CEP112: variants seen among roughly 807,000 people sequenced by gnomAD.
CEP112 encodes the protein centrosomal protein of 112 kDa.
CEP112 carries 127 observed loss-of-function variants against 153.0 expected under a neutral mutation model. The ratio of observed to expected loss-of-function variants is 0.83; its 90% CI spans 0.72 to 0.96. The LOEUF is 0.96. Ranked by LOEUF, CEP112 falls within the 40% of genes least tolerant of loss-of-function variation. The pLI is 0.00. For missense variants in CEP112, 1,089 were observed against 1,101.2 expected, an observed-to-expected ratio of 0.99 and a Z score of 0.16; for synonymous variants, 358 against 374.4, an observed-to-expected ratio of 0.96 and a Z score of 0.51.
intron 20 of CEP112, among the ~76,000 whole-genome samples, chr17:65,884,524 G>A (rs192017159): frequency 1.2e-3 from 187 of 152,142 alleles, no homozygotes; most frequent in Non-Finnish European, 1.9e-3. Context: ...CTATACAAAA[G>A]TGTCTTATTT....
intron 19 of CEP112, among the ~76,000 whole-genome samples, chr17:65,912,247 C>T (rs1402864622): frequency 6.6e-6 from 1 of 152,152 alleles, no homozygotes; most frequent in Non-Finnish European, 1.5e-5. Flanking sequence ...GGTAAGACAC[C>T]TGAAGGGCCT....
chr17:65,910,249 T>C (rs2060235909), intron 19 of CEP112, among the ~76,000 whole-genome samples: 2 of 152,198 alleles, frequency 1.3e-5, no homozygotes, highest in Admixed American at 1.3e-4. Context: ...ATGAAATACC[T>C]GTGCCTTCAT....
At chr17:65,686,938 C>A (rs577556169) in intron 24 of CEP112, among the ~76,000 whole-genome samples, 1 of 151,772 alleles carries the variant, frequency 6.6e-6, no homozygotes, top group South Asian at 2.1e-4. Context: ...TTCAGATAAA[C>A]CTGGATCTGA....
At chr17:65,916,162 T>G (rs35057845) in intron 19 of CEP112, among the ~76,000 whole-genome samples, 1 of 151,868 alleles carries the variant, frequency 6.6e-6, no homozygotes, top group African/African-American at 2.4e-5. Context: ...AAAGTAGCCC[T>G]TTCACTCACA....
At chr17:65,938,125 C>G (rs12938632) in intron 18 of CEP112, among the ~76,000 whole-genome samples, 18,549 of 83,628 alleles carry the variant, frequency 0.22, 3,196 homozygotes, top group East Asian at 0.78. Context: ...TACCCCCAAC[C>G]CTGTGCTCTC....
chr17:65,740,029 C>A (rs1358896560), intron 23 of CEP112, among the ~76,000 whole-genome samples: 1 of 152,038 alleles, frequency 6.6e-6, no homozygotes, highest in Non-Finnish European at 1.5e-5. Flanking sequence ...TCAGAGATAT[C>A]CATTAGTAAA....
At chr17:65,969,840 CTA>C (rs1169336671) in intron 17 of CEP112, among the ~76,000 whole-genome samples, 1 of 146,680 alleles carries the variant, frequency 6.8e-6, no homozygotes, top group Non-Finnish European at 1.5e-5. Context: ...AGCATATCAT[CTA>C]TATATAGCAT....
At chr17:66,079,814 T>C (rs535664313) in intron 8 of CEP112, among the ~76,000 whole-genome samples, 1 of 152,168 alleles carries the variant, frequency 6.6e-6, no homozygotes, top group South Asian at 2.1e-4. Flanking sequence ...AACAGGTATA[T>C]AGATCAACGG....
chr17:65,653,711 G>T (rs2045906034), intron 24 of CEP112, among the ~76,000 whole-genome samples: 1 of 152,110 alleles, frequency 6.6e-6, no homozygotes, highest in Admixed American at 6.5e-5. Flanking sequence ...GGGCCTTTAT[G>T]CAGCCAAACG....
intron 8 of CEP112, among the ~76,000 whole-genome samples, chr17:66,088,716 T>C (rs2068031083): frequency 6.6e-6 from 1 of 152,122 alleles, no homozygotes; most frequent in Non-Finnish European, 1.5e-5. Flanking sequence ...GGTCTAGACC[T>C]GACTAACAGA....
intron 17 of CEP112, among the ~76,000 whole-genome samples, chr17:65,997,584 T>A (rs914119006): frequency 6.6e-6 from 1 of 152,144 alleles, no homozygotes; most frequent in Non-Finnish European, 1.5e-5. Context: ...ATAAATACAA[T>A]TTTTAAAACC....
At chr17:65,915,584 G>C (rs1034891729) in intron 19 of CEP112, among the ~76,000 whole-genome samples, 1 of 152,004 alleles carries the variant, frequency 6.6e-6, no homozygotes, top group African/African-American at 2.4e-5. Context: ...AGGAGTTCGA[G>C]ACCAGCCTGG....
At chr17:66,184,445 T>G (rs1445637485) in intron 1 of CEP112, among the ~76,000 whole-genome samples, 1 of 152,042 alleles carries the variant, frequency 6.6e-6, no homozygotes, top group African/African-American at 2.4e-5. Flanking sequence ...GAAAACAAAC[T>G]ACCCCGATAA....
intron 4 of CEP112, among the ~76,000 whole-genome samples, chr17:66,148,962 G>A (rs567436335): frequency 1.3e-5 from 2 of 152,092 alleles, no homozygotes; most frequent in African/African-American, 4.8e-5. Flanking sequence ...ATGTCTATAG[G>A]CTTTAAATAG....
intron 4 of CEP112, among the ~76,000 whole-genome samples, chr17:66,140,509 GA>G (rs2070643964): frequency 6.6e-6 from 1 of 152,092 alleles, no homozygotes; most frequent in East Asian, 1.9e-4. Context: ...TGTATATGCA[GA>G]AAACCCTAAA....
At chr17:65,938,180 G>A (rs553298660) in intron 18 of CEP112, among the ~76,000 whole-genome samples, 10 of 134,104 alleles carry the variant, frequency 7.5e-5, no homozygotes, top group Admixed American at 4.9e-4. Context: ...GATTAAGGGC[G>A]GGGCAAGATG....
intron 24 of CEP112, among the ~76,000 whole-genome samples, chr17:65,660,374 C>T (rs1157286232): frequency 1.6e-5 from 2 of 122,842 alleles, no homozygotes; most frequent in African/African-American, 6.7e-5. Flanking sequence ...TCCCTCCCTT[C>T]CTTCCTTCCT....
intron 23 of CEP112, among the ~76,000 whole-genome samples, chr17:65,717,523 C>T (rs1211457023): frequency 1.3e-5 from 2 of 152,184 alleles, no homozygotes; most frequent in African/African-American, 4.8e-5. Flanking sequence ...TCCTCCCTAG[C>T]TTTTGAATCC....
chr17:66,095,813 T>C (rs2068319704), intron 8 of CEP112, among the ~76,000 whole-genome samples: 1 of 152,178 alleles, frequency 6.6e-6, no homozygotes, highest in South Asian at 2.1e-4. Context: ...GGCTCATGCC[T>C]ATAATCCTAA....
Sources: allele counts gnomAD v4.1 joint callset (sites outside exome capture counted in the v4.1 genomes callset), GRCh38; gene constraint gnomAD v4.1.1; transcripts MANE v1.5; gene names NCBI Gene and HGNC (gene_info 2026-07-23, HGNC 2026-07-21).